The following LTBP4 variants were observed in gnomAD, a reference collection of about 807,000 sequenced individuals.
LTBP4 encodes latent transforming growth factor beta binding protein 4.
LTBP4 carries 93 observed loss-of-function variants against 180.2 expected under a neutral mutation model. That is an observed-to-expected ratio of 0.52 (90% CI 0.44 to 0.61). The LOEUF is 0.61. Ranked by LOEUF, LTBP4 falls within the 20% of genes least tolerant of loss-of-function variation. LTBP4 has a pLI of 0.00. For synonymous variants in LTBP4, 947 were observed against 934.5 expected (o/e 1.01, Z -0.24); for missense variants, 2,116 against 2,256.5 (o/e 0.94, Z 1.26).
rs2081661694 is a variant in LTBP4 at position 40,629,464 on chromosome 19, GA to G, written c.4589del (p.Asp1530ValfsTer89). ...LCVNARCLNT[D>X]GSFRCICRPG... Reference sequence around the variant, plus strand: ...CGTCAACGCGCGTTGCCTCAACACGGATGGCTCCTTCCGCTGCATCTGCCGC... The same window carrying G: ...CGTCAACGCGCGTTGCCTCAACACGGTGGCTCCTTCCGCTGCATCTGCCGC... On this transcript the variant is annotated frameshift_variant, in exon 30 of 30. Transcript: ENST00000396819. LOFTEE classifies it high-confidence loss of function. This position sits in a 1 kb window ranked among gnomAD's most constrained non-coding sequence, Gnocchi z 4.5. 1.9e-6 allele frequency: 3 copies of G among 1,610,814 alleles called. No homozygotes were observed. Among genetic ancestry groups the G allele is most frequent in the Non-Finnish European group, 2.5e-6 (3 of 1,178,252 alleles).
Position 40,611,397 on chromosome 19 carries a change from G to T in LTBP4, c.2053+3G>T. 1 of 1,602,486 alleles carries T rather than the reference G, an allele frequency of 6.2e-7. No homozygotes were observed. On this transcript the variant is annotated splice_donor_region_variant and intron_variant, in intron 13 of 29. Transcript: ENST00000396819. The surrounding 1 kb of genome is among the most constrained non-coding windows in gnomAD (Gnocchi z 4.4). ...AGGGCCCGGGGCCCCCTGCCAAGGTGAGGGTGCTGAGCCCAGCCCTACTCC... is the reference window on the plus strand; with the variant it reads ...AGGGCCCGGGGCCCCCTGCCAAGGTTAGGGTGCTGAGCCCAGCCCTACTCC...
At position 40,614,231 on chromosome 19, in the gene LTBP4, C is replaced by G. The variant is rs536287464; in HGVS notation, c.2681-84C>G. On this transcript the variant is annotated intron_variant, in intron 18 of 29. Transcript: ENST00000396819. ...CTCTCCTCTGCTTCCCCGGCCTCCCCCTTCTGACTCTCCTCTCCCCTCTTT... is the reference window on the plus strand; with the variant it reads ...CTCTCCTCTGCTTCCCCGGCCTCCCGCTTCTGACTCTCCTCTCCCCTCTTT... The G allele has an allele frequency of 9.8e-6, 15 of 1,532,054 alleles. No homozygotes were observed. The South Asian group carries it at 1.7e-4, about 17-fold the overall frequency. The allele number at this position is 1,532,054 out of a possible 1,614,324, so 94.9% of individuals were successfully genotyped here.
upstream of LTBP4, chr19:40,599,230 G>T: frequency 1.2e-6 from 2 of 1,613,094 alleles, no homozygotes; most frequent in Non-Finnish European, 1.7e-6. Flanking sequence ...CGGGCCAGAC[G>T]TCTAGGAGGA....
Position 40,608,606 on chromosome 19 carries a change from T to G in LTBP4, c.1426+3T>G. 6.3e-7 allele frequency: 1 copy of G among 1,582,978 alleles called. No homozygotes were observed. Among genetic ancestry groups the G allele is most frequent in the Non-Finnish European group, 8.6e-7 (1 of 1,165,040 alleles). ...TGGTCCTGAGATTCCTGAATCAGGTTTGCTAGAAAGAACTGAGGGCATTGG... is the reference window on the plus strand; with the variant it reads ...TGGTCCTGAGATTCCTGAATCAGGTGTGCTAGAAAGAACTGAGGGCATTGG... On this transcript the variant is annotated splice_donor_region_variant and intron_variant, in intron 9 of 29. Transcript: ENST00000396819.
Position 40,613,976 on chromosome 19 carries a change from G to A in LTBP4, c.2618G>A (p.Gly873Asp), listed in dbSNP as rs1599869094. Residue 873 changes from glycine (G) to aspartate (D), a missense_variant, in exon 18 of 30, where the codon GGC (glycine) becomes GAC (aspartate). Physicochemically the swap from Gly to Asp is moderately conservative, Grantham distance 94. Around this residue, in one of 5 missense-constraint regions of LTBP4, gnomAD observed 877 missense variants for 873.6 expected, o/e 1.00. Transcript: ENST00000396819. The surrounding 1 kb of genome is among the most constrained non-coding windows in gnomAD (Gnocchi z 5.0). ...AGCGGCATCTGTACCAACACCGACG[G>A]CTCCTTCGAGTGCATCTGTCCTCCG... ...CQSGICTNTD[G>D]SFECICPPGH... The A allele has an allele frequency of 1.2e-6, 2 of 1,613,690 alleles. No homozygotes were observed. Among genetic ancestry groups the A allele is most frequent in the East Asian group, 4.5e-5 (2 of 44,856 alleles).
chr19:40,627,919 A>T, intron 29 of LTBP4, 62 bp downstream of exon 29: 1 of 1,513,532 alleles, frequency 6.6e-7, no homozygotes, highest in African/African-American at 1.4e-5. Context: ...GGGAGGGTGG[A>T]AGCCCTGACT....
Position 40,619,434 on chromosome 19 carries a change from A to C in LTBP4, c.3158A>C (p.Asn1053Thr). 1 of 1,613,868 alleles carries C rather than the reference A, an allele frequency of 6.2e-7. No individual in the cohort carries two copies. The highest frequency in any genetic ancestry group is 8.5e-7 in the Non-Finnish European group (1 of 1,179,858). The change falls in exon 22 of 30, where the codon AAC becomes ACC. Residue 1053 changes from asparagine to threonine, a missense_variant. Physicochemically the swap from Asn to Thr is moderately conservative, Grantham distance 65. This residue lies in a region of LTBP4 where 278 missense variants were observed against 373.0 expected (regional missense o/e 0.75). Transcript: ENST00000396819. ...GGCTCCTTCCTCTGTGTCTGCCCCA[A>C]CAGCCCGGAAGAGTTTGACCCCATG... is the stretch of plus-strand genomic sequence containing the variant. ...VEGSFLCVCPNSPEEFDPMTG... is the reference protein window; with the variant it reads ...VEGSFLCVCPTSPEEFDPMTG...
upstream of LTBP4, chr19:40,599,225 C>T: frequency 6.2e-7 from 1 of 1,612,766 alleles, no homozygotes; most frequent in Non-Finnish European, 8.5e-7. Flanking sequence ...CTGCCCGGGC[C>T]AGACGTCTAG....
rs1409333923 is a variant in LTBP4 at position 40,613,218 on chromosome 19, C to T, written c.2431+22C>T. On this transcript the variant is annotated intron_variant, in intron 16 of 29. Coordinates refer to ENST00000396819, the MANE Select transcript of LTBP4 (RefSeq NM_001042545.2). The surrounding 1 kb of genome is among the most constrained non-coding windows in gnomAD (Gnocchi z 5.0). The stretch of plus-strand genomic sequence containing the variant: ...GCAGGTGAGCAGCATAGGGACCCGC[C>T]AGAGAGTCTGGGAGTAGGGCCTGGG... 6.4e-7 allele frequency: 1 copy of T among 1,556,610 alleles called. No individual in the cohort carries two copies. Among genetic ancestry groups the T allele is most frequent in the African/African-American group, 1.4e-5 (1 of 73,276 alleles).
chr19:40,619,533 C>T (rs2081572197), intron 22 of LTBP4, 40 bp downstream of exon 22: 1 of 1,556,916 alleles, frequency 6.4e-7, no homozygotes, highest in Admixed American at 1.8e-5. Context: ...GCGGCTGGCC[C>T]CATGGGAAAA....
In LTBP4 at chr19:40,627,106, G is replaced by T; in HGVS notation, c.4117G>T (p.Glu1373Ter). 1 of 1,613,958 alleles carries T rather than the reference G, an allele frequency of 6.2e-7. No homozygotes were observed. Among genetic ancestry groups the T allele is most frequent in the Non-Finnish European group, 8.5e-7 (1 of 1,179,860 alleles). The change falls in exon 28 of 30, where the codon GAG becomes TAG. Residue 1373 changes from glutamate to a stop codon, truncating the protein, a stop_gained. Transcript: ENST00000396819. LOFTEE classifies it high-confidence loss of function. ...TTACCAGGGCCTCCCATATGGGCCT[G>T]AGTTGTACCCACCACCTGCGCTACC... ...PPYQGLPYGPELYPPPALPYD... is the reference protein window; with the variant it reads ...PPYQGLPYGP
At chr19:40,600,014 TG>T, upstream of LTBP4, 2 of 964,398 alleles carry the variant, frequency 2.1e-6, no homozygotes, top group Non-Finnish European at 2.8e-6. The surrounding 1 kb of genome is among the most constrained non-coding windows in gnomAD (Gnocchi z 4.4). Flanking sequence ...GGCCCTTTGG[TG>T]GGGAGGTCAG....
upstream of LTBP4, chr19:40,597,095 A>C: frequency 3.9e-6 from 3 of 773,446 alleles, no homozygotes; most frequent in Non-Finnish European, 5.2e-6. Flanking sequence ...ATTGGCGGGA[A>C]GTTCGCAGCC....
At position 40,623,010 on chromosome 19, in the gene LTBP4, G is replaced by A; in HGVS notation, c.3545G>A (p.Ser1182Asn). 1.2e-6 allele frequency: 2 copies of A among 1,611,398 alleles called. No individual in the cohort carries two copies. Among genetic ancestry groups the A allele is most frequent in the South Asian group, 1.1e-5 (1 of 90,710 alleles). Residue 1182 changes from serine (S) to asparagine (N), a missense_variant, in exon 24 of 30, where the codon AGC becomes AAC. Around this residue, in one of 5 missense-constraint regions of LTBP4, gnomAD observed 278 missense variants for 373.0 expected, o/e 0.75. Coordinates refer to ENST00000396819, the MANE Select transcript of LTBP4 (RefSeq NM_001042545.2). ...RGYLAPSGDL[S>N]LRRDVDECQL... ...TACCTGGCGCCCAGTGGAGACCTGAGCCTCCGGAGAGGTGAGGCCAGCCTT... is the reference window on the plus strand; with the variant it reads ...TACCTGGCGCCCAGTGGAGACCTGAACCTCCGGAGAGGTGAGGCCAGCCTT...
At chr19:40,596,767 G>C (rs1054843736), upstream of LTBP4, among the ~76,000 whole-genome samples, 142 of 152,188 alleles carry the variant, frequency 9.3e-4, no homozygotes, top group African/African-American at 3.4e-3. Context: ...CCCGTGGGGG[G>C]CTTCCAGCTT....
rs1471697758 is a variant in LTBP4 at position 40,614,207 on chromosome 19, T to C, written c.2681-108T>C. 3 of 1,448,428 alleles carry C rather than the reference T, an allele frequency of 2.1e-6. No homozygotes were observed. The African/African-American group carries it at 4.4e-5, about 21-fold the overall frequency. The allele number at this position is 1,448,428 out of a possible 1,614,324, so 89.7% of individuals were successfully genotyped here. ...CCTCTACCCCAATCTTCTCCTGCCCTCTCCTCTGCTTCCCCGGCCTCCCCC... is the reference window on the plus strand; with the variant it reads ...CCTCTACCCCAATCTTCTCCTGCCCCCTCCTCTGCTTCCCCGGCCTCCCCC... On this transcript the variant is annotated intron_variant, in intron 18 of 29. Coordinates refer to ENST00000396819, the MANE Select transcript of LTBP4 (RefSeq NM_001042545.2).
intron 15 of LTBP4, among the ~76,000 whole-genome samples, chr19:40,612,424 C>T (rs2146031431): frequency 6.6e-6 from 1 of 152,286 alleles, no homozygotes; most frequent in South Asian, 2.1e-4. Context: ...TGATGATAGT[C>T]CCTGCCCATA....
chr19:40,598,653 A>G (rs144874118), upstream of LTBP4: 319 of 161,370 alleles, frequency 2.0e-3, no homozygotes, highest in Middle Eastern at 3.3e-3. Context: ...AGGCTCTGGG[A>G]TTCTCAGTCC....
At chr19:40,599,786 T>A, upstream of LTBP4, 1 of 582,676 alleles carries the variant, frequency 1.7e-6, no homozygotes, top group Non-Finnish European at 3.0e-6. Context: ...TCTAGTTACC[T>A]GTCTCTTTTC....
Sources: gnomAD v4.1 joint callset for allele counts (sites outside exome capture counted in the v4.1 genomes callset) on GRCh38, gnomAD v4.1.1 for gene constraint, gnomAD v4.1.1 regional missense constraint, Gnocchi (gnomAD v3.1) non-coding constraint, MANE v1.5 for transcripts, NCBI Gene and HGNC (gene_info 2026-07-23, HGNC 2026-07-21) for gene names.